Variants in CTBP2 observed in about 807,000 individuals in gnomAD.
The protein encoded by CTBP2 is C-terminal binding protein 2.
Under a neutral mutation model 80.3 loss-of-function variants are expected in CTBP2, and 30 were observed. The observed-to-expected ratio is 0.37, with a 90% CI of 0.28 to 0.51. The LOEUF is 0.51. Among genes scored for constraint, CTBP2 ranks in the 20% least tolerant of loss-of-function variants. The pLI is 0.93. For missense variants in CTBP2, 1,212 were observed against 1,375.3 expected (o/e 0.88, Z 1.88); for synonymous variants, 594 against 587.4 (o/e 1.01, Z -0.16).
At chr10:125,014,955 G>A (rs143155429) in intron 1 of CTBP2, among the ~76,000 whole-genome samples, 25 of 152,306 alleles carry the variant, frequency 1.6e-4, no homozygotes, top group Admixed American at 4.6e-4. Context: ...AAAAGTGAGC[G>A]TTCGTCAACC....
chr10:125,034,637 C>T (rs915929157), intron 3 of CTBP2, among the ~76,000 whole-genome samples: 1 of 152,212 alleles, frequency 6.6e-6, no homozygotes, highest in East Asian at 1.9e-4. Context: ...TGTGGACTAC[C>T]TATAGGCAGG....
chr10:125,018,503 C>CAAACCAAAAACCAA (rs71029232), intron 1 of CTBP2, among the ~76,000 whole-genome samples: 9 of 150,846 alleles, frequency 6.0e-5, no homozygotes, highest in South Asian at 2.1e-4. Context: ...AAAACAAAAA[C>CAAACCAAAAACCAA]AAACCAAAAA....
intron 1 of CTBP2, among the ~76,000 whole-genome samples, chr10:125,115,993 A>G (rs897391220): frequency 6.6e-6 from 1 of 152,148 alleles, no homozygotes; most frequent in South Asian, 2.1e-4. Context: ...ACTAGATGCA[A>G]CATCAACTAT....
At chr10:125,078,452 G>A (rs918873225) in intron 2 of CTBP2, among the ~76,000 whole-genome samples, 18 of 151,888 alleles carry the variant, frequency 1.2e-4, no homozygotes, top group African/African-American at 4.4e-4. Flanking sequence ...TGATTACAAA[G>A]CCACTTCGTC....
intron 1 of CTBP2, among the ~76,000 whole-genome samples, chr10:125,148,392 C>CCCT (rs779947592): frequency 1.3e-5 from 2 of 152,220 alleles, no homozygotes; most frequent in Non-Finnish European, 2.9e-5. Context: ...TGCTGCAGCC[C>CCCT]CCTTCCCACT....
At chr10:124,994,028 G>A (rs770228447) in intron 5 of CTBP2, 43 bp from the exon 8 acceptor site, 4 of 1,611,200 alleles carry the variant, frequency 2.5e-6, no homozygotes, top group Admixed American at 3.4e-5. Context: ...CACTGGCATG[G>A]TGGAAGACTC....
chr10:125,030,936 C>T (rs11245473), upstream of CTBP2, among the ~76,000 whole-genome samples: 11 of 152,286 alleles, frequency 7.2e-5, no homozygotes, highest in South Asian at 1.9e-3. Context: ...AAGGTGATAG[C>T]GGAAATAACA....
intron 1 of CTBP2, among the ~76,000 whole-genome samples, chr10:125,130,423 G>A (rs981516770): frequency 6.6e-6 from 1 of 152,122 alleles, no homozygotes; most frequent in Non-Finnish European, 1.5e-5. Flanking sequence ...GGTTCCCCAA[G>A]AGCAAAGTGA....
At chr10:125,145,063 C>T (rs1858499526) in intron 1 of CTBP2, among the ~76,000 whole-genome samples, 1 of 152,204 alleles carries the variant, frequency 6.6e-6, no homozygotes, top group African/African-American at 2.4e-5. Context: ...AGCAGAAATC[C>T]ATATTCCAAG....
intron 2 of CTBP2, among the ~76,000 whole-genome samples, chr10:125,070,889 C>G (rs561111046): frequency 2.0e-4 from 30 of 152,240 alleles, no homozygotes; most frequent in African/African-American, 7.0e-4. Flanking sequence ...CTCAGTCTCC[C>G]AAAGTGCCAG....
At chr10:125,038,712 T>C (rs1166990794) in intron 3 of CTBP2, among the ~76,000 whole-genome samples, 3 of 152,198 alleles carry the variant, frequency 2.0e-5, no homozygotes, top group Non-Finnish European at 4.4e-5. Context: ...ATCTTTTATA[T>C]GCAAAATAAC....
intron 1 of CTBP2, among the ~76,000 whole-genome samples, chr10:125,004,660 T>A (rs938860621): frequency 2.6e-5 from 4 of 152,126 alleles, no homozygotes; most frequent in African/African-American, 9.7e-5. Context: ...TTGGGGCTCA[T>A]CAACTTTTCA....
At chr10:125,068,522 CA>C (rs1303068903) in intron 2 of CTBP2, among the ~76,000 whole-genome samples, 2 of 152,202 alleles carry the variant, frequency 1.3e-5, no homozygotes, top group African/African-American at 4.8e-5. Context: ...ACACAGGCCA[CA>C]GGTTTCAGGG....
In CTBP2 at chr10:125,143,076, T is replaced by C. The variant is rs949914765; in HGVS notation, c.-206+17243A>G. Among the ~76,000 whole-genome samples the C allele has an allele frequency of 2.6e-5, 4 of 152,304 alleles. No individual in the cohort carries two copies. The South Asian group carries it at 6.2e-4, about 24-fold the overall frequency. ...TCGCGGAAATCCACCACTGTTTTGCTGAACTCCAGATAAACCCTCCTTGCT... is the reference window on the plus strand; with the variant it reads ...TCGCGGAAATCCACCACTGTTTTGCCGAACTCCAGATAAACCCTCCTTGCT... On this transcript the variant is annotated intron_variant, in intron 1 of 10. Coordinates refer to the CTBP2 transcript ENST00000337195.
intron 1 of CTBP2, among the ~76,000 whole-genome samples, chr10:125,140,691 T>C (rs1019057317): frequency 4.0e-5 from 6 of 151,210 alleles, no homozygotes; most frequent in Non-Finnish European, 5.9e-5. Flanking sequence ...GACATGGTGG[T>C]GGGTGCCTAT....
chr10:125,040,833 T>C (rs940059095), intron 2 of CTBP2, among the ~76,000 whole-genome samples: 1 of 152,150 alleles, frequency 6.6e-6, no homozygotes, highest in Non-Finnish European at 1.5e-5. Flanking sequence ...TGAAAAGGCA[T>C]CCGAAAGATT....
intron 2 of CTBP2, among the ~76,000 whole-genome samples, chr10:125,072,634 G>GAAAAAAAAAAAAAAAAAAAAAAA (rs55742060): frequency 5.0e-5 from 5 of 100,140 alleles, no homozygotes; most frequent in East Asian, 3.0e-4. Flanking sequence ...AAAAAGAAAA[G>GAAAAAAAAAAAAAAAAAAAAAAA]AAAAAAAAAA....
At chr10:125,118,897 A>AAGGC (rs1469885991) in intron 1 of CTBP2, among the ~76,000 whole-genome samples, 1 of 152,242 alleles carries the variant, frequency 6.6e-6, no homozygotes. Flanking sequence ...GTAAGTGGAC[A>AAGGC]AGGCGGCTGC....
chr10:125,110,656 TAC>T (rs1178375075), intron 2 of CTBP2, among the ~76,000 whole-genome samples: 3 of 152,248 alleles, frequency 2.0e-5, no homozygotes, highest in African/African-American at 7.2e-5. Context: ...TTTTAATTAA[TAC>T]ATCGAGAAAT....
Sources: gnomAD v4.1 joint callset for allele counts (sites outside exome capture counted in the v4.1 genomes callset) on GRCh38, gnomAD v4.1.1 for gene constraint, MANE v1.5 for transcripts, NCBI Gene and HGNC (gene_info 2026-07-23, HGNC 2026-07-21) for gene names.